The following ERC2 variants were observed in gnomAD, a reference collection of about 807,000 sequenced individuals.
The protein encoded by ERC2 is ELKS/RAB6-interacting/CAST family member 2, also known as ERC protein 2.
A neutral mutation model predicts 114.8 loss-of-function variants in ERC2; 42 were observed. That is an observed-to-expected ratio of 0.37 (90% CI 0.29 to 0.47). ERC2 has a LOEUF of 0.47. Among genes scored for constraint, ERC2 ranks in the 20% least tolerant of loss-of-function variants. The probability of loss-of-function intolerance (pLI) is 0.99; values close to 1 mark genes in which losing one functional copy is unlikely to be tolerated. For synonymous variants in ERC2, 454 were observed against 425.5 expected (o/e 1.07, Z -0.82); for missense variants, 939 against 1,150.7 (o/e 0.82, Z 2.66).
chr3:56,348,589 C>A (rs1044188466), intron 2 of ERC2, among the ~76,000 whole-genome samples: 2 of 150,342 alleles, frequency 1.3e-5, no homozygotes, highest in Non-Finnish European at 3.0e-5. Flanking sequence ...GTCAAGATTT[C>A]TATGTGAAAT....
intron 7 of ERC2, among the ~76,000 whole-genome samples, chr3:56,021,865 C>G (rs13093416): frequency 0.23 from 35,598 of 152,196 alleles, 5,209 homozygotes; most frequent in Admixed American, 0.32. Context: ...GGATAATAGC[C>G]TCCAGCTCCA....
At chr3:56,316,754 G>C (rs759962038) in intron 2 of ERC2, among the ~76,000 whole-genome samples, 3 of 152,150 alleles carry the variant, frequency 2.0e-5, no homozygotes, top group Non-Finnish European at 4.4e-5. Flanking sequence ...AGGTAGTACA[G>C]TTACTTATCT....
At chr3:56,374,253 C>T (rs1475865584) in intron 2 of ERC2, among the ~76,000 whole-genome samples, 4 of 152,192 alleles carry the variant, frequency 2.6e-5, no homozygotes, top group African/African-American at 7.2e-5. Flanking sequence ...CCTGCCACCA[C>T]GCCCAGCTAA....
intron 14 of ERC2, among the ~76,000 whole-genome samples, chr3:55,861,362 C>A (rs1455185533): frequency 6.6e-6 from 1 of 152,198 alleles, no homozygotes; most frequent in Non-Finnish European, 1.5e-5. Flanking sequence ...ATTGTCACTC[C>A]TCCTGAAGAG....
chr3:56,445,535 A>G (rs143615624), intron 1 of ERC2, among the ~76,000 whole-genome samples: 1 of 152,320 alleles, frequency 6.6e-6, no homozygotes, highest in East Asian at 1.9e-4. Flanking sequence ...GTTTTAAGAT[A>G]CAATTACGAT....
chr3:55,979,036 G>C (rs1189745724), intron 12 of ERC2, among the ~76,000 whole-genome samples: 4 of 152,096 alleles, frequency 2.6e-5, no homozygotes, highest in Admixed American at 6.5e-5. Flanking sequence ...TTCTCACCAA[G>C]GCCCATTCAT....
At chr3:55,534,689 C>CA (rs2053883977) in intron 17 of ERC2, among the ~76,000 whole-genome samples, 1 of 151,842 alleles carries the variant, frequency 6.6e-6, no homozygotes, top group African/African-American at 2.4e-5. Flanking sequence ...GACCTCGTGT[C>CA]AAAAAAAGAG....
At chr3:55,679,301 A>G (rs1023167199) in intron 17 of ERC2, among the ~76,000 whole-genome samples, 1 of 152,098 alleles carries the variant, frequency 6.6e-6, no homozygotes, top group Non-Finnish European at 1.5e-5. Flanking sequence ...TCCCAAATGC[A>G]CGCCTTGGCA....
chr3:55,946,153 C>T (rs2067114587), intron 13 of ERC2, among the ~76,000 whole-genome samples: 1 of 152,062 alleles, frequency 6.6e-6, no homozygotes, highest in Admixed American at 6.6e-5. Flanking sequence ...TCTGGAAAGA[C>T]ACCTTGTTGA....
chr3:56,114,989 C>T (rs1461737888), intron 6 of ERC2, among the ~76,000 whole-genome samples: 1 of 152,150 alleles, frequency 6.6e-6, no homozygotes, highest in African/African-American at 2.4e-5. Context: ...TCCTAACCTC[C>T]CCAATTCCTT....
Position 56,109,368 on chromosome 3 carries a change from C to G in ERC2, c.1474-28384G>C, listed in dbSNP as rs189317886. On this transcript the variant is annotated intron_variant, in intron 6 of 17. Coordinates refer to ENST00000288221, the MANE Select transcript of ERC2 (RefSeq NM_015576.3). Reference sequence around the variant, plus strand: ...GACATAATCTCATTCTTTTTTATGGCTGCATAGTATTCCATGCTGTATATG... The same window carrying G: ...GACATAATCTCATTCTTTTTTATGGGTGCATAGTATTCCATGCTGTATATG... 1.3e-3 allele frequency among the ~76,000 whole-genome samples: 204 copies of G among 152,260 alleles called. 1 individual carries two copies. Among genetic ancestry groups the G allele is most frequent in the Non-Finnish European group, 2.4e-3 (166 of 68,008 alleles).
Position 56,277,748 on chromosome 3 carries a change from C to CA in ERC2, c.1074+18270dup, listed in dbSNP as rs58903780. On this transcript the variant is annotated intron_variant, in intron 3 of 17. Transcript: ENST00000288221. ...CTGATTAAAAAACAAGCCAAATTAC[C>CA]AAAAAAAAAAAAAAAAATTAGTATA... 1.7e-3 allele frequency among the ~76,000 whole-genome samples: 249 copies of CA among 146,540 alleles called. 2 individuals are homozygous for CA. Among genetic ancestry groups the CA allele is most frequent in the African/African-American group, 5.3e-3 (208 of 39,292 alleles).
chr3:55,728,809 C>T lies in ERC2; in HGVS notation c.2712+5962G>A, dbSNP rs117719402. ...AGGAAGGTCAAGACTTGTACTCTGA[C>T]GGCGTGTTGTTGAGACTGCCATAAA... On this transcript the variant is annotated intron_variant, in intron 15 of 17. Coordinates refer to ENST00000288221, the MANE Select transcript of ERC2 (RefSeq NM_015576.3). Among the ~76,000 whole-genome samples the T allele has an allele frequency of 6.9e-4, 105 of 152,256 alleles. No individual in the cohort carries two copies. The East Asian group carries it at 0.016, about 23-fold the overall frequency.
rs114565662 is a variant in ERC2, at chr3:55,937,892, G to T, written c.2403+12533C>A. Among the ~76,000 whole-genome samples, 993 of 152,302 alleles carry T rather than the reference G, an allele frequency of 6.5e-3. 6 individuals carry two copies. Among genetic ancestry groups the T allele is most frequent in the Non-Finnish European group, 0.011 (751 of 68,030 alleles). ...AAATGACGGGAAGAAGTGGTCATCAGAGCCAGGGATAGAGGCCTAGCTCTT... is the reference window on the plus strand; with the variant it reads ...AAATGACGGGAAGAAGTGGTCATCATAGCCAGGGATAGAGGCCTAGCTCTT... On this transcript the variant is annotated intron_variant, in intron 13 of 17. Transcript: ENST00000288221.
At chr3:56,444,777 G>A (rs897042781) in intron 1 of ERC2, among the ~76,000 whole-genome samples, 35 of 152,308 alleles carry the variant, frequency 2.3e-4, no homozygotes, top group Non-Finnish European at 3.4e-4. Context: ...ATCACCTGAG[G>A]CCTGCTGACA....
chr3:56,116,783 G>C (rs2079262621), intron 6 of ERC2, among the ~76,000 whole-genome samples: 2 of 152,262 alleles, frequency 1.3e-5, no homozygotes, highest in East Asian at 1.9e-4. Context: ...GCTCCAGCCT[G>C]AAGGAATTGA....
At chr3:56,448,049 G>A (rs765627205) in intron 1 of ERC2, among the ~76,000 whole-genome samples, 7 of 152,066 alleles carry the variant, frequency 4.6e-5, no homozygotes, top group Admixed American at 1.3e-4. Context: ...AGCCTGCACC[G>A]GTTAATTTTT....
intron 17 of ERC2, among the ~76,000 whole-genome samples, chr3:55,565,581 C>T (rs1224022950): frequency 6.6e-6 from 1 of 151,688 alleles, no homozygotes; most frequent in Non-Finnish European, 1.5e-5. Context: ...TCAGGACTAT[C>T]ATAAACCACT....
chr3:55,984,804 T>C (rs986741296), intron 12 of ERC2, among the ~76,000 whole-genome samples: 4 of 152,170 alleles, frequency 2.6e-5, no homozygotes, highest in African/African-American at 4.8e-5. Flanking sequence ...ATACGCAGTG[T>C]GGTATGTGAG....
Sources: gnomAD v4.1 joint callset for allele counts (sites outside exome capture counted in the v4.1 genomes callset) on GRCh38, gnomAD v4.1.1 for gene constraint, MANE v1.5 for transcripts, NCBI Gene and HGNC (gene_info 2026-07-23, HGNC 2026-07-21) for gene names.